The following CAMKMT variants were observed in gnomAD, a reference collection of about 807,000 sequenced individuals.
CAMKMT encodes calmodulin-lysine N-methyltransferase.
Under a neutral mutation model 48.0 loss-of-function variants are expected in CAMKMT, and 53 were observed. The ratio of observed to expected loss-of-function variants is 1.10; its 90% CI spans 0.89 to 1.39. The LOEUF (loss-of-function observed/expected upper bound fraction) is 1.39, where lower values mean the gene tolerates loss of function less well. Among genes scored for constraint, CAMKMT ranks in the 40% most tolerant of loss-of-function variants. CAMKMT has a pLI of 0.00. For missense variants in CAMKMT, 428 were observed against 402.7 expected, an observed-to-expected ratio of 1.06 and a Z score of -0.54; for synonymous variants, 165 against 152.3, an observed-to-expected ratio of 1.08 and a Z score of -0.61.
intron 3 of CAMKMT, among the ~76,000 whole-genome samples, chr2:44,561,677 G>T (rs949570997): frequency 6.6e-5 from 10 of 152,136 alleles, no homozygotes; most frequent in African/African-American, 2.4e-4. Flanking sequence ...TTTTCAATCT[G>T]CCAGCTTAAG....
intron 3 of CAMKMT, among the ~76,000 whole-genome samples, chr2:44,622,411 C>T (rs1672248574): frequency 6.6e-6 from 1 of 152,144 alleles, no homozygotes; most frequent in African/African-American, 2.4e-5. Context: ...TTGCATGATG[C>T]TGAGGTTTGA....
At chr2:44,555,137 G>A (rs754110199) in intron 3 of CAMKMT, among the ~76,000 whole-genome samples, 2 of 152,144 alleles carry the variant, frequency 1.3e-5, no homozygotes, top group East Asian at 1.9e-4. Context: ...TTACACAGTC[G>A]TGTCTGAAAA....
At chr2:44,433,957 A>T (rs1684798738) in intron 3 of CAMKMT, among the ~76,000 whole-genome samples, 1 of 152,116 alleles carries the variant, frequency 6.6e-6, no homozygotes, top group Non-Finnish European at 1.5e-5. Context: ...GTGTTTTGTA[A>T]ACAAATGGAG....
At chr2:44,716,343 G>A (rs550867742) in intron 7 of CAMKMT, among the ~76,000 whole-genome samples, 3 of 152,056 alleles carry the variant, frequency 2.0e-5, no homozygotes, top group East Asian at 3.9e-4. Context: ...ATACAGCCCC[G>A]GCAGCCAGTG....
Position 44,450,337 on chromosome 2 carries a change from A to G in CAMKMT, c.376+60032A>G, listed in dbSNP as rs112241431. ...GGTCACTGTTTTTGACATCCTTTAT[A>G]TTTGTCCAGTCAGCTCTAAATCTTT... On this transcript the variant is annotated intron_variant, in intron 3 of 10. Coordinates refer to ENST00000378494, the MANE Select transcript of CAMKMT (RefSeq NM_024766.5). Among the ~76,000 whole-genome samples, 333 of 152,144 alleles carry G rather than the reference A, an allele frequency of 2.2e-3. No individual in the cohort carries two copies. In the Middle Eastern group the frequency reaches 0.027, roughly 12 times the overall value.
intron 3 of CAMKMT, among the ~76,000 whole-genome samples, chr2:44,397,671 G>A (rs187775753): frequency 6.6e-6 from 1 of 152,116 alleles, no homozygotes; most frequent in South Asian, 2.1e-4. Flanking sequence ...AGACACATTT[G>A]TTATCAATTA....
chr2:44,385,009 C>T (rs780967728), intron 2 of CAMKMT, among the ~76,000 whole-genome samples: 11 of 152,146 alleles, frequency 7.2e-5, no homozygotes, highest in Non-Finnish European at 1.3e-4. Context: ...TTTTCTAATT[C>T]GGTGAAGAAT....
intron 3 of CAMKMT, among the ~76,000 whole-genome samples, chr2:44,630,723 C>T (rs1672762543): frequency 6.6e-6 from 1 of 150,546 alleles, no homozygotes; most frequent in Non-Finnish European, 1.5e-5. Flanking sequence ...GTTAGAATGG[C>T]AATCATTAAA....
At chr2:44,743,006 T>C (rs969938474) in intron 7 of CAMKMT, among the ~76,000 whole-genome samples, 1 of 152,196 alleles carries the variant, frequency 6.6e-6, no homozygotes, top group African/African-American at 2.4e-5. Context: ...CTCATAAGCA[T>C]TAGTAAAGTT....
chr2:44,470,068 T>C (rs909579203), intron 3 of CAMKMT, among the ~76,000 whole-genome samples: 1 of 152,136 alleles, frequency 6.6e-6, no homozygotes, highest in Non-Finnish European at 1.5e-5. Context: ...TTTATCTTTT[T>C]TTTTCTCTCT....
intron 3 of CAMKMT, among the ~76,000 whole-genome samples, chr2:44,703,730 A>G (rs1371716514): frequency 6.7e-6 from 1 of 148,278 alleles, no homozygotes; most frequent in African/African-American, 2.5e-5. Context: ...GTGAGCTGAG[A>G]TCTCGCCACT....
intron 3 of CAMKMT, among the ~76,000 whole-genome samples, chr2:44,604,128 T>C (rs1484915577): frequency 6.6e-6 from 1 of 152,226 alleles, no homozygotes; most frequent in African/African-American, 2.4e-5. Flanking sequence ...AGATGAGGGG[T>C]TTTGTTAAAG....
At chr2:44,543,957 A>G (rs1469594683) in intron 3 of CAMKMT, among the ~76,000 whole-genome samples, 1 of 152,200 alleles carries the variant, frequency 6.6e-6, no homozygotes, top group Non-Finnish European at 1.5e-5. Context: ...GGTAGCAAAT[A>G]TTGGTTTAAC....
chr2:44,388,143 T>C (rs1350270372), intron 2 of CAMKMT, among the ~76,000 whole-genome samples: 3 of 152,162 alleles, frequency 2.0e-5, no homozygotes, highest in Admixed American at 1.3e-4. Flanking sequence ...GGAACACCGA[T>C]TATTCTTCAG....
At chr2:44,715,192 CAAAAA>C (rs35173334) in intron 6 of CAMKMT, 90 bp from the exon 7 acceptor site, 12,940 of 424,022 alleles carry the variant, frequency 0.031, 143 homozygotes, top group African/African-American at 0.11. Flanking sequence ...GACCCTGTCT[CAAAAA>C]AAAAAAAAAA....
At chr2:44,771,392 T>A (rs1681103251) in intron 10 of CAMKMT, among the ~76,000 whole-genome samples, 1 of 152,224 alleles carries the variant, frequency 6.6e-6, no homozygotes, top group Non-Finnish European at 1.5e-5. Flanking sequence ...GTACTTCATA[T>A]GTGAGAAACC....
At chr2:44,420,700 T>C (rs1038362650) in intron 3 of CAMKMT, among the ~76,000 whole-genome samples, 1 of 152,066 alleles carries the variant, frequency 6.6e-6, no homozygotes, top group African/African-American at 2.4e-5. Context: ...ATAGTGTGGA[T>C]AATTTGGAGC....
chr2:44,492,030 G>A (rs1288373064), intron 3 of CAMKMT, among the ~76,000 whole-genome samples: 1 of 152,174 alleles, frequency 6.6e-6, no homozygotes, highest in East Asian at 1.9e-4. Flanking sequence ...GAGAACTGCA[G>A]ATGTGAGACT....
At chr2:44,675,086 A>T (rs492996) in intron 3 of CAMKMT, among the ~76,000 whole-genome samples, 2 of 122,916 alleles carry the variant, frequency 1.6e-5, no homozygotes, top group Non-Finnish European at 3.3e-5. Flanking sequence ...TAAGGGGGGG[A>T]AAAAAAAAAA....
Sources: allele counts gnomAD v4.1 joint callset (sites outside exome capture counted in the v4.1 genomes callset), GRCh38; gene constraint gnomAD v4.1.1; transcripts MANE v1.5; gene names NCBI Gene and HGNC (gene_info 2026-07-23, HGNC 2026-07-21).